Variants in WWOX observed in about 807,000 individuals in gnomAD.
WWOX encodes the protein WW domain containing oxidoreductase.
A neutral mutation model predicts 46.2 loss-of-function variants in WWOX; 69 were observed. That is an observed-to-expected ratio of 1.49 (90% CI 1.23 to 1.82). The LOEUF (loss-of-function observed/expected upper bound fraction) is 1.82, where lower values mean the gene tolerates loss of function less well. Among genes scored for constraint, WWOX ranks in the 40% most tolerant of loss-of-function variants. The pLI is 0.00. For synonymous variants in WWOX, 359 were observed against 202.6 expected (o/e 1.77, Z -6.56); for missense variants, 919 against 542.6 (o/e 1.69, Z -6.89).
At chr16:78,967,941 C>T (rs1332658335) in intron 8 of WWOX, among the ~76,000 whole-genome samples, 1 of 152,128 alleles carries the variant, frequency 6.6e-6, no homozygotes, top group African/African-American at 2.4e-5. Flanking sequence ...TTTCCTCACC[C>T]CCAGTTCTGT....
At chr16:78,933,089 A>G (rs2045659439) in intron 8 of WWOX, among the ~76,000 whole-genome samples, 2 of 152,310 alleles carry the variant, frequency 1.3e-5, no homozygotes, top group Non-Finnish European at 1.5e-5. Flanking sequence ...CGAAAGCATC[A>G]GTTGCTACCC....
intron 8 of WWOX, among the ~76,000 whole-genome samples, chr16:79,015,476 G>GTC (rs1597279901): frequency 6.6e-6 from 1 of 152,098 alleles, no homozygotes; most frequent in Non-Finnish European, 1.5e-5. Context: ...TGCATAGTAG[G>GTC]TGCTCAATAA....
At chr16:78,263,468 T>C (rs2079289990) in intron 5 of WWOX, among the ~76,000 whole-genome samples, 1 of 152,072 alleles carries the variant, frequency 6.6e-6, no homozygotes, top group South Asian at 2.1e-4. Context: ...GAAGGGGATA[T>C]AAGTGCAGGA....
chr16:78,904,444 G>C (rs188639414), intron 8 of WWOX, among the ~76,000 whole-genome samples: 2 of 151,814 alleles, frequency 1.3e-5, no homozygotes, highest in Admixed American at 1.3e-4. Flanking sequence ...TCAGCATGTT[G>C]GCCAGGATGG....
At chr16:78,813,307 A>C (rs1205944150) in intron 8 of WWOX, among the ~76,000 whole-genome samples, 1 of 152,000 alleles carries the variant, frequency 6.6e-6, no homozygotes, top group Non-Finnish European at 1.5e-5. Context: ...CCTAAGCTAT[A>C]AATATACAGC....
intron 8 of WWOX, among the ~76,000 whole-genome samples, chr16:78,807,284 C>G (rs35452560): frequency 0.019 from 2,820 of 152,338 alleles, 45 homozygotes; most frequent in Middle Eastern, 0.037. Flanking sequence ...TTAACAACAT[C>G]TCATACCACA....
At chr16:78,180,673 G>C (rs1265350001) in intron 5 of WWOX, among the ~76,000 whole-genome samples, 1 of 151,876 alleles carries the variant, frequency 6.6e-6, no homozygotes, top group Non-Finnish European at 1.5e-5. Context: ...CCGGAGAGTT[G>C]TGGGTATATG....
At chr16:78,979,770 C>T (rs2046645259) in intron 8 of WWOX, among the ~76,000 whole-genome samples, 1 of 152,122 alleles carries the variant, frequency 6.6e-6, no homozygotes, top group African/African-American at 2.4e-5. Context: ...GCTTGGAAAG[C>T]AGCAGGAAAA....
At chr16:78,679,407 C>T (rs977599448) in intron 8 of WWOX, among the ~76,000 whole-genome samples, 2 of 151,978 alleles carry the variant, frequency 1.3e-5, no homozygotes, top group Non-Finnish European at 2.9e-5. Flanking sequence ...AAAAATTAGC[C>T]AGGCATGGTG....
At chr16:78,131,347 G>A (rs1327995122) in intron 4 of WWOX, among the ~76,000 whole-genome samples, 1 of 152,120 alleles carries the variant, frequency 6.6e-6, no homozygotes, top group African/African-American at 2.4e-5. Context: ...GAGTAGCTTG[G>A]ACTACAGGCA....
intron 6 of WWOX, among the ~76,000 whole-genome samples, chr16:78,424,401 T>C (rs1000787853): frequency 1.3e-5 from 2 of 152,222 alleles, no homozygotes; most frequent in African/African-American, 4.8e-5. Flanking sequence ...ATTACAGGCG[T>C]GAGCCCCCGC....
In WWOX at chr16:78,432,656, A is replaced by C; in HGVS notation, c.960A>C (p.Ala320=). The C allele has an allele frequency of 6.2e-7, 1 of 1,614,212 alleles. No individual in the cohort carries two copies. Among genetic ancestry groups the C allele is most frequent in the Non-Finnish European group, 8.5e-7 (1 of 1,180,034 alleles). The change falls in exon 8 of 9, where the codon GCA becomes GCC. Residue 320 remains alanine, a synonymous_variant. Coordinates refer to ENST00000566780, the MANE Select transcript of WWOX (RefSeq NM_016373.4). ...RLSPRGVTSN[A]VHPGNMMYSN... ...CCCCACGCGGGGTCACGTCGAACGC[A>C]GTGCATCCTGGAAATATGATGTACT...
rs577369983 is a variant in WWOX at position 79,027,828 on chromosome 16, C to G, written c.1057-183780C>G. On this transcript the variant is annotated intron_variant, in intron 8 of 8. Transcript: ENST00000566780. ...GATGGTTTTTGTGGTTGCCTAGTGT[C>G]TTCTAAAGACCCCTGAACATAGCAT... is the stretch of plus-strand genomic sequence containing the variant. Among the ~76,000 whole-genome samples the G allele has an allele frequency of 7.2e-5, 11 of 151,878 alleles. No homozygotes were observed. In the South Asian group the frequency reaches 2.3e-3, roughly 31 times the overall value.
At chr16:78,998,829 T>C (rs940909847) in intron 8 of WWOX, among the ~76,000 whole-genome samples, 4 of 152,252 alleles carry the variant, frequency 2.6e-5, no homozygotes, top group Non-Finnish European at 5.9e-5. Context: ...AATTCTTTCA[T>C]GTCAGGGTCT....
chr16:78,488,138 A>G (rs2084685595), intron 8 of WWOX, among the ~76,000 whole-genome samples: 1 of 152,128 alleles, frequency 6.6e-6, no homozygotes, highest in Non-Finnish European at 1.5e-5. Flanking sequence ...ATTTTGGAGG[A>G]CTTGAAAGGT....
At chr16:78,994,928 G>T (rs1203355553) in intron 8 of WWOX, among the ~76,000 whole-genome samples, 1 of 149,278 alleles carries the variant, frequency 6.7e-6, no homozygotes, top group East Asian at 2.0e-4. Context: ...CAAATGAGGT[G>T]CAAGCCTTTT....
chr16:78,801,118 A>G (rs754907885), intron 8 of WWOX, among the ~76,000 whole-genome samples: 8 of 151,316 alleles, frequency 5.3e-5, no homozygotes, highest in Non-Finnish European at 1.0e-4. Flanking sequence ...CAGTGGTGCA[A>G]TCTTGGCTCA....
chr16:79,129,194 T>C (rs2049824028), intron 8 of WWOX, among the ~76,000 whole-genome samples: 1 of 151,610 alleles, frequency 6.6e-6, no homozygotes, highest in Non-Finnish European at 1.5e-5. Context: ...TCAAGACAAG[T>C]CTAAGAGAAG....
At chr16:78,541,981 A>G (rs1234838728) in intron 8 of WWOX, among the ~76,000 whole-genome samples, 4 of 141,334 alleles carry the variant, frequency 2.8e-5, no homozygotes, top group South Asian at 2.4e-4. Flanking sequence ...TCATGTTTGA[A>G]GTCAGTTACC....
Sources: allele counts gnomAD v4.1 joint callset (sites outside exome capture counted in the v4.1 genomes callset), GRCh38; gene constraint gnomAD v4.1.1; transcripts MANE v1.5; gene names NCBI Gene and HGNC (gene_info 2026-07-23, HGNC 2026-07-21).